Variants in TMEM163 observed in about 807,000 individuals in gnomAD.
TMEM163 encodes transmembrane protein 163.
TMEM163 carries 17 observed loss-of-function variants against 29.3 expected under a neutral mutation model. The observed-to-expected ratio is 0.58, with a 90% CI of 0.40 to 0.87. The LOEUF is 0.87. Ranked by LOEUF, TMEM163 falls within the 40% of genes least tolerant of loss-of-function variation. The probability of loss-of-function intolerance (pLI) is 0.00; values close to 1 mark genes in which losing one functional copy is unlikely to be tolerated. For missense variants in TMEM163, 303 were observed against 381.5 expected (o/e 0.79, Z 1.71); for synonymous variants, 157 against 160.6 (o/e 0.98, Z 0.17).
chr2:134,662,571 G>A (rs771766495), intron 2 of TMEM163, among the ~76,000 whole-genome samples: 19 of 152,130 alleles, frequency 1.2e-4, no homozygotes, highest in Non-Finnish European at 2.8e-4. Flanking sequence ...ATGACTGAAA[G>A]GTTCATAGTG....
At chr2:134,547,052 G>T (rs767822725) in intron 4 of TMEM163, among the ~76,000 whole-genome samples, 1 of 152,112 alleles carries the variant, frequency 6.6e-6, no homozygotes, top group Non-Finnish European at 1.5e-5. Flanking sequence ...GGAAAATGGG[G>T]AGTTGTTCAA....
intron 2 of TMEM163, among the ~76,000 whole-genome samples, chr2:134,566,898 T>C (rs1012442736): frequency 6.6e-6 from 1 of 152,196 alleles, no homozygotes; most frequent in Non-Finnish European, 1.5e-5. Flanking sequence ...AAGATAGATG[T>C]GTAACGCTGC....
At chr2:134,624,937 T>A (rs534647998) in intron 2 of TMEM163, among the ~76,000 whole-genome samples, 7 of 151,990 alleles carry the variant, frequency 4.6e-5, no homozygotes, top group Admixed American at 2.0e-4. Context: ...AATTTAAAAA[T>A]AATAAAAATT....
chr2:134,574,801 T>C (rs2104788134), intron 2 of TMEM163, among the ~76,000 whole-genome samples: 1 of 152,308 alleles, frequency 6.6e-6, no homozygotes, highest in South Asian at 2.1e-4. Context: ...CTCGATTTGA[T>C]GCAGCTGTGT....
At chr2:134,499,527 T>C (rs2106485937) in intron 5 of TMEM163, among the ~76,000 whole-genome samples, 1 of 152,326 alleles carries the variant, frequency 6.6e-6, no homozygotes, top group Non-Finnish European at 1.5e-5. Flanking sequence ...CTGGCCTGAC[T>C]GCTCCAGCAA....
chr2:134,621,854 G>A (rs1158844827), intron 2 of TMEM163, among the ~76,000 whole-genome samples: 1 of 151,890 alleles, frequency 6.6e-6, no homozygotes, highest in Admixed American at 6.6e-5. Context: ...TGGTGCCACT[G>A]TACTCCAGCC....
chr2:134,675,834 A>G (rs1684102945), intron 2 of TMEM163, among the ~76,000 whole-genome samples: 1 of 152,202 alleles, frequency 6.6e-6, no homozygotes, highest in Admixed American at 6.5e-5. Context: ...GCAATCACTG[A>G]TGATTAGCAG....
intron 2 of TMEM163, among the ~76,000 whole-genome samples, chr2:134,606,051 T>G (rs936095885): frequency 6.6e-6 from 1 of 152,212 alleles, no homozygotes. Flanking sequence ...GCAGGTTGTT[T>G]GTGTTTTAGA....
intron 2 of TMEM163, among the ~76,000 whole-genome samples, chr2:134,603,881 G>C (rs1034203380): frequency 8.0e-5 from 12 of 150,240 alleles, no homozygotes; most frequent in South Asian, 4.3e-4. Flanking sequence ...GAGGGGAAGG[G>C]AGGGGAGGGT....
rs79441021 is a variant in TMEM163, at chr2:134,717,427, C to A, written c.202+1307G>T. 2.6e-4 allele frequency among the ~76,000 whole-genome samples: 40 copies of A among 152,308 alleles called. No homozygotes were observed. In the East Asian group the frequency reaches 7.3e-3, roughly 28 times the overall value. ...GGTGCAGAATTCGTTGCCACTGGAG[C>A]AGCTCCAGTTCTCGCTGAGCATCTA... is the stretch of plus-strand genomic sequence containing the variant. On this transcript the variant is annotated intron_variant, in intron 1 of 7. Coordinates refer to ENST00000281924, the MANE Select transcript of TMEM163 (RefSeq NM_030923.5).
intron 2 of TMEM163, among the ~76,000 whole-genome samples, chr2:134,650,004 T>TAAAAAAA (rs1319130397): frequency 1.0e-5 from 1 of 97,556 alleles, no homozygotes; most frequent in Non-Finnish European, 1.9e-5. Context: ...GACCCTGTCT[T>TAAAAAAA]AAAAAAAAAA....
chr2:134,616,285 A>C (rs2104821614), intron 2 of TMEM163, among the ~76,000 whole-genome samples: 1 of 152,350 alleles, frequency 6.6e-6, no homozygotes. Context: ...GGGAAGCTTC[A>C]CCAGAGAGCC....
At chr2:134,536,546 A>G (rs1380044129) in intron 4 of TMEM163, among the ~76,000 whole-genome samples, 1 of 152,198 alleles carries the variant, frequency 6.6e-6, no homozygotes, top group East Asian at 1.9e-4. Context: ...CCCCACCAGC[A>G]GGATCCCAGC....
intron 2 of TMEM163, among the ~76,000 whole-genome samples, chr2:134,633,047 T>G (rs1050799048): frequency 6.6e-6 from 1 of 151,690 alleles, no homozygotes; most frequent in Admixed American, 6.6e-5. Flanking sequence ...CGTGAGCCAC[T>G]GCACCAGGCC....
At chr2:134,509,918 G>C (rs1679911733) in intron 4 of TMEM163, among the ~76,000 whole-genome samples, 1 of 152,236 alleles carries the variant, frequency 6.6e-6, no homozygotes, top group Admixed American at 6.5e-5. Flanking sequence ...ACTCCAGACA[G>C]AGCAGAGGAA....
At chr2:134,569,425 C>T (rs962459448) in intron 2 of TMEM163, among the ~76,000 whole-genome samples, 4 of 152,006 alleles carry the variant, frequency 2.6e-5, no homozygotes, top group African/African-American at 7.3e-5. Flanking sequence ...CCATTAGGAG[C>T]GAGAGTTATG....
At chr2:134,717,256 T>A (rs1685056458) in intron 1 of TMEM163, among the ~76,000 whole-genome samples, 1 of 152,210 alleles carries the variant, frequency 6.6e-6, no homozygotes. Context: ...TTTTAAATCC[T>A]ACGATATTAG....
intron 3 of TMEM163, 76 bp downstream of exon 3, chr2:134,551,972 G>A (rs1680940333): frequency 8.3e-7 from 1 of 1,202,522 alleles, no homozygotes; most frequent in Non-Finnish European, 1.2e-6. Flanking sequence ...ACCCTCATTT[G>A]AGGGCTCAGG....
At chr2:134,706,814 C>T (rs895871257) in intron 2 of TMEM163, among the ~76,000 whole-genome samples, 11 of 152,058 alleles carry the variant, frequency 7.2e-5, no homozygotes, top group East Asian at 1.9e-4. Flanking sequence ...TGAGGGACCT[C>T]GTGGTAACCA....
Sources: gnomAD v4.1 joint callset for allele counts (sites outside exome capture counted in the v4.1 genomes callset) on GRCh38, gnomAD v4.1.1 for gene constraint, MANE v1.5 for transcripts, NCBI Gene and HGNC (gene_info 2026-07-23, HGNC 2026-07-21) for gene names.